The following RDH10 variants were observed in gnomAD, a reference collection of about 807,000 sequenced individuals.
RDH10 encodes the protein retinol dehydrogenase 10.
RDH10 carries 12 observed loss-of-function variants against 30.2 expected under a neutral mutation model. The observed-to-expected ratio is 0.40, with a 90% CI of 0.25 to 0.64. The LOEUF (loss-of-function observed/expected upper bound fraction) is 0.64, where lower values mean the gene tolerates loss of function less well. Among genes scored for constraint, RDH10 ranks in the 30% least tolerant of loss-of-function variants. RDH10 has a pLI of 0.43. For synonymous variants in RDH10, 189 were observed against 172.2 expected (o/e 1.10, Z -0.76); for missense variants, 268 against 445.2 (o/e 0.60, Z 3.58).
rs1362895447 is a variant in RDH10 at position 73,295,154 on chromosome 8, C to G, written c.-136C>G. ...CCGCGCACTCCAACCCGGCGGGCACCTCGGGGGCGGGCGCGGGGCGCAGCC... is the reference window on the plus strand; with the variant it reads ...CCGCGCACTCCAACCCGGCGGGCACGTCGGGGGCGGGCGCGGGGCGCAGCC... On this transcript the variant is annotated 5_prime_UTR_variant, in exon 1 of 6. Coordinates refer to ENST00000240285, the MANE Select transcript of RDH10 (RefSeq NM_172037.5). 4.7e-6 allele frequency: 4 copies of G among 850,428 alleles called. No individual in the cohort carries two copies. Among genetic ancestry groups the G allele is most frequent in the Non-Finnish European group, 6.6e-6 (4 of 602,662 alleles). 52.7% of individuals were successfully genotyped at this position (850,428 alleles called of 1,614,324 possible). A position where few individuals can be genotyped will look rare whatever the true frequency, so the allele number is the denominator to read the frequency against.
chr8:73,306,961 C>T lies in RDH10; in HGVS notation c.525+9532C>T, dbSNP rs555778141. Among the ~76,000 whole-genome samples the T allele has an allele frequency of 2.6e-5, 4 of 152,296 alleles. No homozygotes were observed. In the South Asian group the frequency reaches 8.3e-4, roughly 32 times the overall value. ...AAAATTCAAAGCCTGAATTTTCCCA[C>T]CTTAAGTTGTAATTAACATACTGCC... On this transcript the variant is annotated intron_variant, in intron 2 of 5. Transcript: ENST00000240285.
At chr8:73,302,054 C>G (rs1198558272) in intron 2 of RDH10, among the ~76,000 whole-genome samples, 2 of 152,170 alleles carry the variant, frequency 1.3e-5, no homozygotes, top group Non-Finnish European at 2.9e-5. Context: ...AAGAGGACCC[C>G]CTTGGCAATT....
Position 73,295,428 on chromosome 8 carries a change from G to A in RDH10, c.139G>A (p.Gly47Ser). Residue 47 changes from glycine (G) to serine (S), a missense_variant, in exon 1 of 6, where the codon GGC becomes AGC. By Grantham distance (56) the Gly-to-Ser change is moderately conservative. Around this residue, in one of 4 missense-constraint regions of RDH10, gnomAD observed 42 missense variants for 77.6 expected, o/e 0.54. Transcript: ENST00000240285. The stretch of plus-strand genomic sequence containing the variant: ...GTGCCTCATCACCGGCGCCGGCAGC[G>A]GCCTGGGCCGCCTCTTCGCGCTGGA... ...QVCLITGAGSGLGRLFALEFA... is the reference protein window; with the variant it reads ...QVCLITGAGSSLGRLFALEFA... 6.5e-7 allele frequency: 1 copy of A among 1,548,696 alleles called. No individual in the cohort carries two copies. The highest frequency in any genetic ancestry group is 8.7e-7 in the Non-Finnish European group (1 of 1,148,134).
rs1168510238 is a variant in RDH10 at position 73,294,702 on chromosome 8, C to T, written c.-588C>T. ...AGTGCAGGGCCGGGGAACGCGAGCCCTCGGGGGCAGCTGCAAGGCGTTGGG... is the reference window on the plus strand; with the variant it reads ...AGTGCAGGGCCGGGGAACGCGAGCCTTCGGGGGCAGCTGCAAGGCGTTGGG... On this transcript the variant is annotated 5_prime_UTR_variant, in exon 1 of 6. Coordinates refer to ENST00000240285, the MANE Select transcript of RDH10 (RefSeq NM_172037.5). 8.1e-6 allele frequency: 3 copies of T among 369,574 alleles called. No individual in the cohort carries two copies. Among genetic ancestry groups the T allele is most frequent in the African/African-American group, 2.1e-5 (1 of 47,356 alleles). 22.9% of individuals were successfully genotyped at this position (369,574 alleles called of 1,614,324 possible).
intron 2 of RDH10, chr8:73,297,916 T>C (rs7827249): frequency 0.79 from 141,287 of 178,542 alleles, 56,121 homozygotes; most frequent in South Asian, 0.91. Context: ...TGACCATCCA[T>C]TGGGTCCAGG....
intron 2 of RDH10, among the ~76,000 whole-genome samples, chr8:73,307,343 G>A (rs191114227): frequency 2.6e-5 from 4 of 152,284 alleles, no homozygotes; most frequent in South Asian, 2.1e-4. Flanking sequence ...TATGGTCTGC[G>A]TGGAGGGCAG....
Position 73,323,151 on chromosome 8 carries a change from T to A in RDH10, c.*115T>A, listed in dbSNP as rs1814798134. On this transcript the variant is annotated 3_prime_UTR_variant, in exon 6 of 6. Coordinates refer to ENST00000240285, the MANE Select transcript of RDH10 (RefSeq NM_172037.5). ...TTCTAAACTTGTGTTGTTTCTTTTT[T>A]AAATCAACTTTTTAAAAAAATAAAG... The A allele has an allele frequency of 2.3e-6, 2 of 863,552 alleles. No individual in the cohort carries two copies. The highest frequency in any genetic ancestry group is 1.8e-6 in the Non-Finnish European group (1 of 556,346). The allele number at this position is 863,552 out of a possible 1,614,324, so 53.5% of individuals were successfully genotyped here. A position where few individuals can be genotyped will look rare whatever the true frequency, so the allele number is the denominator to read the frequency against.
Position 73,294,871 on chromosome 8 carries a change from T to A in RDH10, c.-419T>A, listed in dbSNP as rs1377685326. On this transcript the variant is annotated 5_prime_UTR_variant, in exon 1 of 6. Transcript: ENST00000240285. ...CCGTGCCGCCTCCGCTGCGCACCCC[T>A]CCCCCGGGGTGAGAGGGAGCCGGCG... is the stretch of plus-strand genomic sequence containing the variant. 9 of 385,564 alleles carry A rather than the reference T, an allele frequency of 2.3e-5. No individual in the cohort carries two copies. The highest frequency in any genetic ancestry group is 9.0e-5 in the Admixed American group (2 of 22,238). The allele number at this position is 385,564 out of a possible 1,614,324, so 23.9% of individuals were successfully genotyped here. A position where few individuals can be genotyped will look rare whatever the true frequency, so the allele number is the denominator to read the frequency against.
In RDH10 at chr8:73,295,114, A is replaced by T; in HGVS notation, c.-176A>T. 1 of 440,404 alleles carries T rather than the reference A, an allele frequency of 2.3e-6. No homozygotes were observed. 27.3% of individuals were successfully genotyped at this position (440,404 alleles called of 1,614,324 possible). On this transcript the variant is annotated 5_prime_UTR_variant, in exon 1 of 6. Coordinates refer to ENST00000240285, the MANE Select transcript of RDH10 (RefSeq NM_172037.5). Reference sequence around the variant, plus strand: ...AGCCCGGGCGGGAGTGGCCCCGCGCAGGCAGGGAGCGGCGCCGCGCACTCC... The same window carrying T: ...AGCCCGGGCGGGAGTGGCCCCGCGCTGGCAGGGAGCGGCGCCGCGCACTCC...
At chr8:73,301,039 A>ATTTTTTTTTTT (rs1563547188) in intron 2 of RDH10, among the ~76,000 whole-genome samples, 1 of 98,800 alleles carries the variant, frequency 1.0e-5, no homozygotes, top group African/African-American at 4.0e-5. Context: ...ACAAAACTCT[A>ATTTTTTTTTTT]TTCTTTTTTT....
chr8:73,324,879 C>T lies in RDH10; in HGVS notation c.*1843C>T, dbSNP rs1442081523. 6.6e-6 allele frequency: 1 copy of T among 152,146 alleles called. No homozygotes were observed. Among genetic ancestry groups the T allele is most frequent in the Non-Finnish European group, 1.5e-5 (1 of 68,036 alleles). 9.4% of individuals were successfully genotyped at this position (152,146 alleles called of 1,614,324 possible). On this transcript the variant is annotated 3_prime_UTR_variant, in exon 6 of 6. Coordinates refer to ENST00000240285, the MANE Select transcript of RDH10 (RefSeq NM_172037.5). ...AAGGTCCTGGTGTGTGCTAATGTTCCCAATGCAGGACTTGAGGAAGAGCTC... is the reference window on the plus strand; with the variant it reads ...AAGGTCCTGGTGTGTGCTAATGTTCTCAATGCAGGACTTGAGGAAGAGCTC...
At chr8:73,321,958 G>A (rs9298224) in intron 4 of RDH10, 65,178 of 456,118 alleles carry the variant, frequency 0.14, 4,976 homozygotes, top group East Asian at 0.21. Flanking sequence ...GTGTCTGTGT[G>A]AACATGTGTG....
At chr8:73,318,397 C>A (rs1814711560) in intron 2 of RDH10, among the ~76,000 whole-genome samples, 1 of 152,192 alleles carries the variant, frequency 6.6e-6, no homozygotes, top group African/African-American at 2.4e-5. Context: ...CACTGTGTGG[C>A]CAGTCACTTG....
chr8:73,299,639 A>G (rs983736979), intron 2 of RDH10, among the ~76,000 whole-genome samples: 1 of 152,234 alleles, frequency 6.6e-6, no homozygotes, highest in African/African-American at 2.4e-5. Context: ...GCAAGACTAC[A>G]TAACTAAACT....
chr8:73,324,566 G>A lies in RDH10; in HGVS notation c.*1530G>A, dbSNP rs548665238. On this transcript the variant is annotated 3_prime_UTR_variant, in exon 6 of 6. Transcript: ENST00000240285. ...TTAAATTTAAAGAATTAACTTACAT[G>A]CAATTGTGTGATTATTAGTTATCAG... 1 of 152,354 alleles carries A rather than the reference G, an allele frequency of 6.6e-6. No homozygotes were observed. Among genetic ancestry groups the A allele is most frequent in the South Asian group, 2.1e-4 (1 of 4,816 alleles). The allele number at this position is 152,354 out of a possible 1,614,324, so 9.4% of individuals were successfully genotyped here. A position where few individuals can be genotyped will look rare whatever the true frequency, so the allele number is the denominator to read the frequency against.
chr8:73,302,721 A>G (rs890574679), intron 2 of RDH10, among the ~76,000 whole-genome samples: 3 of 152,202 alleles, frequency 2.0e-5, no homozygotes, highest in South Asian at 2.1e-4. Context: ...TCTGTATTCT[A>G]CTTTGAAATA....
At chr8:73,314,233 A>G (rs1814622807) in intron 2 of RDH10, among the ~76,000 whole-genome samples, 1 of 152,234 alleles carries the variant, frequency 6.6e-6, no homozygotes, top group African/African-American at 2.4e-5. Flanking sequence ...AGCAGTGTCA[A>G]GGACAGAATA....
chr8:73,306,889 G>C (rs964231158), intron 2 of RDH10, among the ~76,000 whole-genome samples: 2 of 152,120 alleles, frequency 1.3e-5, no homozygotes, highest in Admixed American at 1.3e-4. Flanking sequence ...AATAACATAA[G>C]TGGTACTTAT....
intron 2 of RDH10, chr8:73,297,856 G>A (rs1814298928): frequency 4.4e-6 from 1 of 225,708 alleles, no homozygotes; most frequent in Non-Finnish European, 8.9e-6. Context: ...ATCAACATTT[G>A]TGGTCTGTTG....
Sources: gnomAD v4.1 joint callset for allele counts (sites outside exome capture counted in the v4.1 genomes callset) on GRCh38, gnomAD v4.1.1 for gene constraint, gnomAD v4.1.1 regional missense constraint, MANE v1.5 for transcripts, NCBI Gene and HGNC (gene_info 2026-07-23, HGNC 2026-07-21) for gene names.